Variants in DUSP28 observed in about 807,000 individuals in gnomAD.
The protein encoded by DUSP28 is dual specificity phosphatase 28.
Under a neutral mutation model 8.4 loss-of-function variants are expected in DUSP28, and 11 were observed. The observed-to-expected ratio is 1.31, with a 90% CI of 0.83 to 2.17. The LOEUF (loss-of-function observed/expected upper bound fraction) is 2.17, where lower values mean the gene tolerates loss of function less well. DUSP28 is among the 30% of genes most tolerant of loss of function. DUSP28 has a pLI of 0.00. For synonymous variants in DUSP28, 178 were observed against 130.9 expected (o/e 1.36, Z -2.46); for missense variants, 373 against 270.4 (o/e 1.38, Z -2.66).
rs1436967130 is a variant in DUSP28, at chr2:240,560,369, C to G, written c.-316C>G. 2.0e-5 allele frequency: 5 copies of G among 249,916 alleles called. No homozygotes were observed. Among genetic ancestry groups the G allele is most frequent in the Non-Finnish European group, 3.0e-5 (4 of 132,638 alleles). 15.5% of individuals were successfully genotyped at this position (249,916 alleles called of 1,614,324 possible). ...GCGCCCAAGAGCCACAGACGCAAGC[C>G]CAGTGCCACAGGCCGCGGGGGCGGG... On this transcript the variant is annotated 5_prime_UTR_variant, in exon 1 of 2. Transcript: ENST00000405954.
In DUSP28 at chr2:240,560,627, C is replaced by T. The variant is rs2092895333; in HGVS notation, c.-58C>T. 7.1e-7 allele frequency: 1 copy of T among 1,409,446 alleles called. No individual in the cohort carries two copies. Among genetic ancestry groups the T allele is most frequent in the East Asian group, 2.9e-5 (1 of 34,726 alleles). 87.3% of individuals were successfully genotyped at this position (1,409,446 alleles called of 1,614,324 possible). A position where few individuals can be genotyped will look rare whatever the true frequency, so the allele number is the denominator to read the frequency against. ...TCCCACAAATAGACTCCTGGGCGGGCGCCTGAGCCCCCAAAATAGATCCTC... is the reference window on the plus strand; with the variant it reads ...TCCCACAAATAGACTCCTGGGCGGGTGCCTGAGCCCCCAAAATAGATCCTC... On this transcript the variant is annotated 5_prime_UTR_variant, in exon 1 of 2. Transcript: ENST00000405954.
Position 240,564,906 on chromosome 2 carries a change from C to T in DUSP28, c.*3439C>T, listed in dbSNP as rs1386541219. The stretch of plus-strand genomic sequence containing the variant: ...CTCCAGCATCTGCACCCCTCTCCTA[C>T]TTTGATCTCTGTTTCACCAACATTG... On this transcript the variant is annotated 3_prime_UTR_variant, in exon 2 of 2. Transcript: ENST00000405954. 6.6e-6 allele frequency among the ~76,000 whole-genome samples: 1 copy of T among 152,216 alleles called. No individual in the cohort carries two copies. Among genetic ancestry groups the T allele is most frequent in the Non-Finnish European group, 1.5e-5 (1 of 68,042 alleles).
rs1249898949 is a variant in DUSP28 at position 240,563,465 on chromosome 2, G to A, written c.*1998G>A. On this transcript the variant is annotated 3_prime_UTR_variant, in exon 2 of 2. Coordinates refer to ENST00000405954, the MANE Select transcript of DUSP28 (RefSeq NM_001370465.2). ...GATCCTCCCGCCTCGGCCTCCCAAA[G>A]CGCTGGGATTACAGGCGTGAGCCAC... 3 of 152,388 alleles carry A rather than the reference G, an allele frequency of 2.0e-5. No homozygotes were observed. The highest frequency in any genetic ancestry group is 4.4e-5 in the Non-Finnish European group (3 of 68,206). The allele number at this position is 152,388 out of a possible 1,614,324, so 9.4% of individuals were successfully genotyped here.
At position 240,564,266 on chromosome 2, in the gene DUSP28, T is replaced by C. The variant is rs1280219949; in HGVS notation, c.*2799T>C. Among the ~76,000 whole-genome samples, 1 of 152,238 alleles carries C rather than the reference T, an allele frequency of 6.6e-6. No homozygotes were observed. Among genetic ancestry groups the C allele is most frequent in the African/African-American group, 2.4e-5 (1 of 41,472 alleles). On this transcript the variant is annotated 3_prime_UTR_variant, in exon 2 of 2. Coordinates refer to ENST00000405954, the MANE Select transcript of DUSP28 (RefSeq NM_001370465.2). ...AGAGAATCCTCCACCTCAGTGGCCC[T>C]GAAGTGGCCTGAAGGGCCCGCTCTG...
In DUSP28 at chr2:240,564,249, C is replaced by G. The variant is rs367591854; in HGVS notation, c.*2782C>G. Among the ~76,000 whole-genome samples, 71 of 152,356 alleles carry G rather than the reference C, an allele frequency of 4.7e-4. 1 individual carries two copies. In the East Asian group the frequency reaches 8.9e-3, roughly 19 times the overall value. On this transcript the variant is annotated 3_prime_UTR_variant, in exon 2 of 2. Transcript: ENST00000405954. ...CTACTGCTTTCTTCACAAGAGAATC[C>G]TCCACCTCAGTGGCCCTGAAGTGGC...
In DUSP28 at chr2:240,560,966, C is replaced by T; in HGVS notation, c.282C>T (p.Arg94=). ...GCGCCGCCATGGAGGCCGCGGTGCG[C>T]GCCGGCGGCGCCTGCCTAGTCTACT... ...PTCAAMEAAV[R]AGGACLVYCK... is the part of the protein sequence containing the mutation. The change falls in exon 1 of 2, where the codon CGC becomes CGT. Residue 94 remains arginine, a synonymous_variant. Transcript: ENST00000405954. 2 of 1,515,088 alleles carry T rather than the reference C, an allele frequency of 1.3e-6. No homozygotes were observed. The highest frequency in any genetic ancestry group is 8.7e-7 in the Non-Finnish European group (1 of 1,144,470). 93.9% of individuals were successfully genotyped at this position (1,515,088 alleles called of 1,614,324 possible).
Position 240,560,877 on chromosome 2 carries a change from G to C in DUSP28, c.193G>C (p.Glu65Gln), listed in dbSNP as rs900417524. ...QPGPRAPGVA[E>Q]LRVPVFDDPA... ...CGGCCCGCGCGCGCCCGGCGTGGCA[G>C]AGCTGCGCGTGCCCGTGTTCGACGA... The change falls in exon 1 of 2, where the codon GAG becomes CAG. Residue 65 changes from glutamate to glutamine, a missense_variant. Physicochemically the swap from Glu to Gln is conservative, Grantham distance 29. Transcript: ENST00000405954. 4 of 1,437,614 alleles carry C rather than the reference G, an allele frequency of 2.8e-6. No homozygotes were observed. The highest frequency in any genetic ancestry group is 1.5e-5 in the African/African-American group (1 of 68,134). 89.1% of individuals were successfully genotyped at this position (1,437,614 alleles called of 1,614,324 possible).
Position 240,561,248 on chromosome 2 carries a change from C to G in DUSP28, c.394-82C>G, listed in dbSNP as rs1416606767. Reference sequence around the variant, plus strand: ...GAGGCACTTCCGGGTTGGGCGGGGCCCACTCTTACAGCTGGGCCCGCCTTG... The same window carrying G: ...GAGGCACTTCCGGGTTGGGCGGGGCGCACTCTTACAGCTGGGCCCGCCTTG... On this transcript the variant is annotated intron_variant, in intron 1 of 1. Coordinates refer to ENST00000405954, the MANE Select transcript of DUSP28 (RefSeq NM_001370465.2). 21 of 1,600,480 alleles carry G rather than the reference C, an allele frequency of 1.3e-5. No individual in the cohort carries two copies. In the South Asian group the frequency reaches 2.2e-4, roughly 17 times the overall value.
rs1575431291 is a variant in DUSP28, at chr2:240,563,526, T to C, written c.*2059T>C. ...CAATCCACTGAGCATTTCTAAGCTG[T>C]GTATCTCTTAACAAGACCCAGTCAG... On this transcript the variant is annotated 3_prime_UTR_variant, in exon 2 of 2. Transcript: ENST00000405954. 1 of 152,442 alleles carries C rather than the reference T, an allele frequency of 6.6e-6. No homozygotes were observed. The highest frequency in any genetic ancestry group is 2.4e-5 in the African/African-American group (1 of 41,446). 9.4% of individuals were successfully genotyped at this position (152,442 alleles called of 1,614,324 possible).
chr2:240,563,996 AAAT>A lies in DUSP28; in HGVS notation c.*2538_*2540del, dbSNP rs964118174. On this transcript the variant is annotated 3_prime_UTR_variant, in exon 2 of 2. Coordinates refer to ENST00000405954, the MANE Select transcript of DUSP28 (RefSeq NM_001370465.2). ...GACACATCTGGAATTTGCTGCAATAAAATAATAATAAGAAAGCATTGGCAGCTT... is the reference window on the plus strand; with the variant it reads ...GACACATCTGGAATTTGCTGCAATAAAATAATAAGAAAGCATTGGCAGCTT... 4 of 152,398 alleles carry A rather than the reference AAAT, an allele frequency of 2.6e-5. No individual in the cohort carries two copies. The highest frequency in any genetic ancestry group is 1.3e-4 in the Admixed American group (2 of 15,288). 9.4% of individuals were successfully genotyped at this position (152,398 alleles called of 1,614,324 possible). A position where few individuals can be genotyped will look rare whatever the true frequency, so the allele number is the denominator to read the frequency against.
Position 240,560,481 on chromosome 2 carries a change from C to T in DUSP28, c.-204C>T, listed in dbSNP as rs1458630342. On this transcript the variant is annotated 5_prime_UTR_variant, in exon 1 of 2. Coordinates refer to ENST00000405954, the MANE Select transcript of DUSP28 (RefSeq NM_001370465.2). Reference sequence around the variant, plus strand: ...GGTGAGGCCCAAACCTCCCGCCATGCCCCGGCCCCAACGAGACCCAAGCCC... The same window carrying T: ...GGTGAGGCCCAAACCTCCCGCCATGTCCCGGCCCCAACGAGACCCAAGCCC... 8 of 741,758 alleles carry T rather than the reference C, an allele frequency of 1.1e-5. No individual in the cohort carries two copies. Among genetic ancestry groups the T allele is most frequent in the Non-Finnish European group, 1.5e-5 (8 of 529,268 alleles). 45.9% of individuals were successfully genotyped at this position (741,758 alleles called of 1,614,324 possible).
rs1182882618 is a variant in DUSP28 at position 240,561,345 on chromosome 2, C to T, written c.409C>T (p.Arg137Cys). The change falls in exon 2 of 2, where the codon CGC becomes TGC. Residue 137 changes from arginine (R) to cysteine (C), a missense_variant. Arg to Cys is a radical substitution (Grantham distance 180). Transcript: ENST00000405954. ...AKAFQMVKSA[R>C]PVAEPNPGFW... is the part of the protein sequence containing the mutation. ...TTGTTTGCAGATGGTGAAGAGCGCTCGCCCGGTAGCAGAACCGAACCCGGG... is the reference window on the plus strand; with the variant it reads ...TTGTTTGCAGATGGTGAAGAGCGCTTGCCCGGTAGCAGAACCGAACCCGGG... 1 of 1,613,872 alleles carries T rather than the reference C, an allele frequency of 6.2e-7. No homozygotes were observed. Among genetic ancestry groups the T allele is most frequent in the Non-Finnish European group, 8.5e-7 (1 of 1,180,030 alleles).
chr2:240,560,464 C>G lies in DUSP28; in HGVS notation c.-221C>G. 1.5e-6 allele frequency: 1 copy of G among 648,186 alleles called. No individual in the cohort carries two copies. The highest frequency in any genetic ancestry group is 2.2e-6 in the Non-Finnish European group (1 of 447,314). The allele number at this position is 648,186 out of a possible 1,614,324, so 40.2% of individuals were successfully genotyped here. A position where few individuals can be genotyped will look rare whatever the true frequency, so the allele number is the denominator to read the frequency against. The stretch of plus-strand genomic sequence containing the variant: ...CAAGGCCCCGGCGCCCTGGTGAGGC[C>G]CAAACCTCCCGCCATGCCCCGGCCC... On this transcript the variant is annotated 5_prime_UTR_variant, in exon 1 of 2. Coordinates refer to ENST00000405954, the MANE Select transcript of DUSP28 (RefSeq NM_001370465.2).
rs1277710657 is a variant in DUSP28, at chr2:240,564,633, TAGG to T, written c.*3167_*3169del. Among the ~76,000 whole-genome samples the T allele has an allele frequency of 4.6e-5, 7 of 152,092 alleles. No individual in the cohort carries two copies. The highest frequency in any genetic ancestry group is 1.7e-4 in the African/African-American group (7 of 41,414). ...GGAGCCAAGGACAGGAGAGGAGACA[TAGG>T]GGAGTCACAGGGACCTGCCACCCAG... On this transcript the variant is annotated 3_prime_UTR_variant, in exon 2 of 2. Transcript: ENST00000405954.
chr2:240,561,239 G>A, intron 1 of DUSP28, 91 bp from the exon 2 acceptor site: 1 of 1,593,070 alleles, frequency 6.3e-7, no homozygotes, highest in Non-Finnish European at 8.5e-7. Flanking sequence ...CTTCCGGGTT[G>A]GGCGGGGCCC....
In DUSP28 at chr2:240,560,362, C is replaced by G. The variant is rs975758395; in HGVS notation, c.-323C>G. 7.6e-5 allele frequency: 18 copies of G among 236,090 alleles called. No individual in the cohort carries two copies. Among genetic ancestry groups the G allele is most frequent in the Admixed American group, 1.7e-4 (3 of 17,494 alleles). 14.6% of individuals were successfully genotyped at this position (236,090 alleles called of 1,614,324 possible). ...GGGCGCTGCGCCCAAGAGCCACAGA[C>G]GCAAGCCCAGTGCCACAGGCCGCGG... On this transcript the variant is annotated 5_prime_UTR_variant, in exon 1 of 2. Coordinates refer to ENST00000405954, the MANE Select transcript of DUSP28 (RefSeq NM_001370465.2).
chr2:240,561,511 A>G lies in DUSP28; in HGVS notation c.*44A>G, dbSNP rs779415890. 5.7e-6 allele frequency: 9 copies of G among 1,575,756 alleles called. No homozygotes were observed. The highest frequency in any genetic ancestry group is 7.7e-6 in the Non-Finnish European group (9 of 1,161,610). On this transcript the variant is annotated 3_prime_UTR_variant, in exon 2 of 2. Coordinates refer to ENST00000405954, the MANE Select transcript of DUSP28 (RefSeq NM_001370465.2). ...CTGGAGGAAGGATGTCCCTGCACTGATACAGAAGGCTGGTCTTTACCCTTC... is the reference window on the plus strand; with the variant it reads ...CTGGAGGAAGGATGTCCCTGCACTGGTACAGAAGGCTGGTCTTTACCCTTC...
Position 240,561,367 on chromosome 2 carries a change from C to A in DUSP28, c.431C>A (p.Pro144Gln). The change falls in exon 2 of 2, where the codon CCG becomes CAG. Residue 144 changes from proline to glutamine, a missense_variant. Pro to Gln is a moderately conservative substitution (Grantham distance 76, BLOSUM62 -1). Transcript: ENST00000405954. ...KSARPVAEPN[P>Q]GFWSQLQKYE... ...GCTCGCCCGGTAGCAGAACCGAACC[C>A]GGGCTTCTGGTCTCAGCTCCAGAAG... 2 of 1,613,846 alleles carry A rather than the reference C, an allele frequency of 1.2e-6. No homozygotes were observed. Among genetic ancestry groups the A allele is most frequent in the Non-Finnish European group, 1.7e-6 (2 of 1,180,024 alleles).
At position 240,560,766 on chromosome 2, in the gene DUSP28, C is replaced by T. The variant is rs112543214; in HGVS notation, c.82C>T (p.Leu28Phe). ...PLVRVAPSLFLGSARAAGAEE... is the reference protein window; with the variant it reads ...PLVRVAPSLFFGSARAAGAEE... ...GGTGCGCGTCGCGCCCTCACTCTTC[C>T]TCGGGAGCGCGCGAGCCGCGGGCGC... The change falls in exon 1 of 2, where the codon CTC becomes TTC. Residue 28 changes from leucine (L) to phenylalanine (F), a missense_variant. Coordinates refer to ENST00000405954, the MANE Select transcript of DUSP28 (RefSeq NM_001370465.2). The T allele has an allele frequency of 2.1e-4, 315 of 1,470,208 alleles. 3 individuals carry two copies. The East Asian group carries it at 8.0e-3, about 38-fold the overall frequency. The allele number at this position is 1,470,208 out of a possible 1,614,324, so 91.1% of individuals were successfully genotyped here. A position where few individuals can be genotyped will look rare whatever the true frequency, so the allele number is the denominator to read the frequency against.
Sources: gnomAD v4.1 joint callset for allele counts (sites outside exome capture counted in the v4.1 genomes callset) on GRCh38, gnomAD v4.1.1 for gene constraint, MANE v1.5 for transcripts, NCBI Gene and HGNC (gene_info 2026-07-23, HGNC 2026-07-21) for gene names.